The following NCOA1 variants were observed in gnomAD, a reference collection of about 807,000 sequenced individuals.
NCOA1 encodes the protein nuclear receptor coactivator 1.
In NCOA1, 35 loss-of-function variants were observed where a neutral mutation model predicts 150.9. That is an observed-to-expected ratio of 0.23 (90% CI 0.18 to 0.31). NCOA1 has a LOEUF of 0.31. Among genes scored for constraint, NCOA1 ranks in the 10% least tolerant of loss-of-function variants. The pLI is 1.00. For synonymous variants in NCOA1, 590 were observed against 630.0 expected, an observed-to-expected ratio of 0.94 and a Z score of 0.95; for missense variants, 1,491 against 1,749.3, an observed-to-expected ratio of 0.85 and a Z score of 2.63.
chr2:24,640,547 T>TA (rs1026453290), intron 3 of NCOA1, among the ~76,000 whole-genome samples: 1 of 152,118 alleles, frequency 6.6e-6, no homozygotes, highest in African/African-American at 2.4e-5. Context: ...GTGGCTCACA[T>TA]CTATCATCCT....
intron 2 of NCOA1, chr2:24,564,650 C>G (rs992445983): frequency 5.9e-5 from 9 of 152,146 alleles, no homozygotes; most frequent in Non-Finnish European, 1.3e-4. Flanking sequence ...ACTCAGTATT[C>G]CAATGTGGTC....
At chr2:24,634,382 C>T (rs1252842126) in intron 3 of NCOA1, among the ~76,000 whole-genome samples, 1 of 152,070 alleles carries the variant, frequency 6.6e-6, no homozygotes, top group Admixed American at 6.5e-5. Context: ...AAATTCTGGC[C>T]CTTTGCCTAA....
intron 3 of NCOA1, among the ~76,000 whole-genome samples, chr2:24,593,136 T>G (rs982640279): frequency 2.0e-5 from 3 of 152,130 alleles, no homozygotes; most frequent in African/African-American, 7.2e-5. Flanking sequence ...AAGGACTGGC[T>G]CTTGTCAGAG....
At chr2:24,556,999 G>A (rs1016596949) in intron 1 of NCOA1, among the ~76,000 whole-genome samples, 1 of 150,806 alleles carries the variant, frequency 6.6e-6, no homozygotes, top group African/African-American at 2.4e-5. Context: ...ATAATTCATT[G>A]TTGTTGTTGG....
chr2:24,588,210 G>A (rs1380746671), intron 3 of NCOA1, among the ~76,000 whole-genome samples: 2 of 152,024 alleles, frequency 1.3e-5, no homozygotes, highest in East Asian at 1.9e-4. Flanking sequence ...TCAGCCTCCC[G>A]AGTAGCTGGG....
chr2:24,577,031 A>G (rs1463101038), intron 2 of NCOA1, among the ~76,000 whole-genome samples: 1 of 151,864 alleles, frequency 6.6e-6, no homozygotes, highest in East Asian at 1.9e-4. Context: ...TAATTTTATG[A>G]GTTTTTTCTT....
rs1294816598 is a variant in NCOA1 at position 24,570,735 on chromosome 2, C to G, written c.-260+6305C>G. 3.3e-5 allele frequency among the ~76,000 whole-genome samples: 5 copies of G among 152,324 alleles called. No homozygotes were observed. In the East Asian group the frequency reaches 9.6e-4, roughly 29 times the overall value. Reference sequence around the variant, plus strand: ...CCCGAATGTGATCAAGTCTCTAGCTCTACCAGTTTACAGGAAACACAGAAG... The same window carrying G: ...CCCGAATGTGATCAAGTCTCTAGCTGTACCAGTTTACAGGAAACACAGAAG... On this transcript the variant is annotated intron_variant, in intron 2 of 22. Coordinates refer to ENST00000348332, the MANE Select transcript of NCOA1 (RefSeq NM_003743.5).
chr2:24,608,706 T>TG (rs1668486510), intron 3 of NCOA1, among the ~76,000 whole-genome samples: 1 of 30,580 alleles, frequency 3.3e-5, no homozygotes, highest in African/African-American at 6.2e-5. Flanking sequence ...GTTGTTGTGT[T>TG]TTTTTTTTTT....
chr2:24,728,540 G>A, intron 16 of NCOA1, 64 bp downstream of exon 16: 35 of 1,441,532 alleles, frequency 2.4e-5, no homozygotes, highest in Non-Finnish European at 3.2e-5. Context: ...ATTATTTTAA[G>A]CAAGATTTTA....
intron 1 of NCOA1, among the ~76,000 whole-genome samples, chr2:24,542,046 C>T (rs1665420714): frequency 6.6e-6 from 1 of 152,038 alleles, no homozygotes; most frequent in Non-Finnish European, 1.5e-5. Flanking sequence ...GGAAATAATA[C>T]TAGTGAGTTA....
chr2:24,703,285 C>G (rs557053056), intron 11 of NCOA1, among the ~76,000 whole-genome samples: 3 of 152,298 alleles, frequency 2.0e-5, no homozygotes, highest in East Asian at 1.9e-4. Context: ...CCTTTGACCT[C>G]TTCATCTGAA....
At chr2:24,638,755 G>A (rs1311388619) in intron 3 of NCOA1, among the ~76,000 whole-genome samples, 1 of 152,060 alleles carries the variant, frequency 6.6e-6, no homozygotes, top group Non-Finnish European at 1.5e-5. Flanking sequence ...ATGATGTTGA[G>A]CATGTTTCCA....
At position 24,569,798 on chromosome 2, in the gene NCOA1, G is replaced by C. The variant is rs529981675; in HGVS notation, c.-260+5368G>C. ...GGCAGGAGAATCGCTTGAACCCTGGGGGCGGAGGTTGCAGTGAGCCAAGAT... is the reference window on the plus strand; with the variant it reads ...GGCAGGAGAATCGCTTGAACCCTGGCGGCGGAGGTTGCAGTGAGCCAAGAT... On this transcript the variant is annotated intron_variant, in intron 2 of 22. Transcript: ENST00000348332. Among the ~76,000 whole-genome samples, 35 of 149,922 alleles carry C rather than the reference G, an allele frequency of 2.3e-4. No individual in the cohort carries two copies. The South Asian group carries it at 6.3e-3, about 27-fold the overall frequency.
intron 1 of NCOA1, among the ~76,000 whole-genome samples, chr2:24,552,343 ATATATATATATTTTTTTTT>A (rs1159832466): frequency 3.5e-5 from 1 of 28,846 alleles, no homozygotes; most frequent in African/African-American, 1.4e-4. Flanking sequence ...ATATATATAT[ATATATATATATTTTTTTTT>A]TTTTTTTTTT....
chr2:24,759,906 AATTT>A (rs1664695980), intron 21 of NCOA1, among the ~76,000 whole-genome samples: 1 of 151,884 alleles, frequency 6.6e-6, no homozygotes, highest in Non-Finnish European at 1.5e-5. Context: ...TGTTCCCTGC[AATTT>A]ATTATTTTTT....
chr2:24,635,727 C>T (rs1669911162), intron 3 of NCOA1, among the ~76,000 whole-genome samples: 1 of 152,080 alleles, frequency 6.6e-6, no homozygotes, highest in African/African-American at 2.4e-5. Flanking sequence ...AAGTTTATTA[C>T]AAATGCAGAT....
chr2:24,533,354 G>C (rs957050176), intron 1 of NCOA1, among the ~76,000 whole-genome samples: 1 of 152,130 alleles, frequency 6.6e-6, no homozygotes, highest in Non-Finnish European at 1.5e-5. Flanking sequence ...GGGCTGAGAC[G>C]ATGCGGTTTT....
intron 6 of NCOA1, among the ~76,000 whole-genome samples, chr2:24,672,593 C>G (rs539148329): frequency 6.6e-6 from 1 of 152,116 alleles, no homozygotes; most frequent in South Asian, 2.1e-4. Flanking sequence ...ATAAAGGACT[C>G]GCTATGTTGC....
chr2:24,556,176 G>A (rs1666062748), intron 1 of NCOA1: 1 of 152,132 alleles, frequency 6.6e-6, no homozygotes, highest in Admixed American at 6.6e-5. Flanking sequence ...ACAGGCTCCA[G>A]TGTGTATTCC....
Sources: gnomAD v4.1 joint callset for allele counts (sites outside exome capture counted in the v4.1 genomes callset) on GRCh38, gnomAD v4.1.1 for gene constraint, MANE v1.5 for transcripts, NCBI Gene and HGNC (gene_info 2026-07-23, HGNC 2026-07-21) for gene names.